Variants in URI1 observed in about 807,000 individuals in gnomAD.
URI1 encodes the protein URI1 prefoldin like chaperone.
Under a neutral mutation model 60.2 loss-of-function variants are expected in URI1, and 39 were observed. That is an observed-to-expected ratio of 0.65 (90% CI 0.50 to 0.85). The LOEUF (loss-of-function observed/expected upper bound fraction) is 0.85. Among genes scored for constraint, URI1 ranks in the 40% least tolerant of loss-of-function variants. The probability of loss-of-function intolerance (pLI) is 0.00; values close to 1 mark genes in which losing one functional copy is unlikely to be tolerated. For missense variants in URI1, 691 were observed against 665.9 expected (o/e 1.04, Z -0.42); for synonymous variants, 251 against 236.8 (o/e 1.06, Z -0.55).
At chr19:29,980,150 T>G (rs2055574813) in intron 2 of URI1, 1 of 152,186 alleles carries the variant, frequency 6.6e-6, no homozygotes, top group South Asian at 2.1e-4. Flanking sequence ...TCTATTTTCT[T>G]GATTTTAGAG....
chr19:29,954,331 C>G (rs917176856), intron 1 of URI1, among the ~76,000 whole-genome samples: 1 of 152,008 alleles, frequency 6.6e-6, no homozygotes, highest in African/African-American at 2.4e-5. Flanking sequence ...GCAGTTATAC[C>G]TTGGATTTTT....
chr19:29,959,250 C>T (rs114291155), intron 1 of URI1, among the ~76,000 whole-genome samples: 10 of 152,072 alleles, frequency 6.6e-5, no homozygotes, highest in Non-Finnish European at 1.3e-4. Context: ...TCAGTCTCCC[C>T]GAGTAGCTGG....
intron 1 of URI1, among the ~76,000 whole-genome samples, chr19:29,957,813 A>G: frequency 6.6e-6 from 1 of 152,266 alleles, no homozygotes; most frequent in East Asian, 1.9e-4. Flanking sequence ...TTAGCTTTTA[A>G]AAGTATATAA....
intron 1 of URI1, among the ~76,000 whole-genome samples, chr19:29,937,126 T>C (rs1336235839): frequency 6.6e-6 from 1 of 152,254 alleles, no homozygotes; most frequent in African/African-American, 2.4e-5. Flanking sequence ...TCACTGGTTC[T>C]TTCTTCTTCC....
chr19:29,944,931 C>A (rs970580157), intron 1 of URI1, among the ~76,000 whole-genome samples: 2 of 152,156 alleles, frequency 1.3e-5, no homozygotes, highest in Non-Finnish European at 2.9e-5. Flanking sequence ...TTTATTTAGG[C>A]TTTAAAGCTG....
intron 1 of URI1, among the ~76,000 whole-genome samples, chr19:29,957,467 C>CT (rs2055263918): frequency 6.6e-6 from 1 of 151,974 alleles, no homozygotes; most frequent in Non-Finnish European, 1.5e-5. Context: ...GTGTGTAGCT[C>CT]TGTTTCTCTA....
At chr19:29,991,457 T>A (rs1259804152) in intron 4 of URI1, among the ~76,000 whole-genome samples, 2 of 152,254 alleles carry the variant, frequency 1.3e-5, no homozygotes, top group East Asian at 3.8e-4. Flanking sequence ...CATTGTATCC[T>A]CCATTCATGC....
At chr19:29,947,592 T>G (rs2055118358) in intron 1 of URI1, among the ~76,000 whole-genome samples, 1 of 152,252 alleles carries the variant, frequency 6.6e-6, no homozygotes, top group Non-Finnish European at 1.5e-5. Flanking sequence ...CAGATGTTTA[T>G]TGGCTACTTG....
At chr19:29,971,941 T>C (rs1447655173) in intron 2 of URI1, among the ~76,000 whole-genome samples, 3 of 152,080 alleles carry the variant, frequency 2.0e-5, no homozygotes, top group Admixed American at 2.0e-4. Flanking sequence ...TTGATTATTG[T>C]CTGCAGGGTT....
At chr19:30,001,702 T>G (rs1366979994) in intron 4 of URI1, among the ~76,000 whole-genome samples, 4 of 152,014 alleles carry the variant, frequency 2.6e-5, no homozygotes, top group African/African-American at 9.7e-5. Flanking sequence ...TGTAGTAGCT[T>G]TTCCCAGCCA....
chr19:29,929,484 C>G (rs2054897929), intron 1 of URI1, among the ~76,000 whole-genome samples: 1 of 152,004 alleles, frequency 6.6e-6, no homozygotes, highest in Non-Finnish European at 1.5e-5. Context: ...GTAATCCCAG[C>G]TACTTGGGAG....
chr19:29,952,985 G>C (rs542040919), intron 1 of URI1, among the ~76,000 whole-genome samples: 50 of 152,118 alleles, frequency 3.3e-4, no homozygotes, highest in Non-Finnish European at 6.0e-4. Flanking sequence ...TTATACCTAT[G>C]TTTCCTTCTA....
At chr19:29,956,628 T>C (rs2055251383) in intron 1 of URI1, 12 of 1,504,344 alleles carry the variant, frequency 8.0e-6, no homozygotes, top group Middle Eastern at 4.6e-4. Flanking sequence ...TGCGGATGTA[T>C]TTTTCACCCA....
intron 1 of URI1, among the ~76,000 whole-genome samples, chr19:29,955,373 A>G (rs1056952875): frequency 3.3e-5 from 5 of 152,244 alleles, no homozygotes; most frequent in Admixed American, 3.3e-4. Context: ...GATAGTATAG[A>G]TAATGCCTCA....
intron 1 of URI1, among the ~76,000 whole-genome samples, chr19:29,946,972 T>TAAAA (rs1336804352): frequency 6.6e-6 from 1 of 152,094 alleles, no homozygotes; most frequent in East Asian, 1.9e-4. Flanking sequence ...AACAGGAAGG[T>TAAAA]AAGAGGCGTG....
chr19:30,006,217 GGC>G (rs2055940890), intron 6 of URI1, among the ~76,000 whole-genome samples: 1 of 152,072 alleles, frequency 6.6e-6, no homozygotes, highest in South Asian at 2.1e-4. Flanking sequence ...TGCCAAGGCT[GGC>G]TTATGTGTTT....
At chr19:29,949,825 A>G (rs577441338) in intron 1 of URI1, among the ~76,000 whole-genome samples, 85 of 151,924 alleles carry the variant, frequency 5.6e-4, no homozygotes, top group African/African-American at 1.9e-3. Flanking sequence ...CAGGAGAATC[A>G]GGCAGGGAGG....
chr19:29,947,888 G>A (rs1275382761), intron 1 of URI1, among the ~76,000 whole-genome samples: 2 of 152,052 alleles, frequency 1.3e-5, no homozygotes, highest in African/African-American at 4.8e-5. Flanking sequence ...CTCTTATATT[G>A]TCTAATAGAA....
intron 1 of URI1, among the ~76,000 whole-genome samples, chr19:29,955,880 C>T (rs565393038): frequency 2.6e-5 from 4 of 152,206 alleles, no homozygotes; most frequent in Admixed American, 6.5e-5. Flanking sequence ...CGTGAGCCAC[C>T]GTGCCTGGCC....
Sources: allele counts gnomAD v4.1 joint callset (sites outside exome capture counted in the v4.1 genomes callset), GRCh38; gene constraint gnomAD v4.1.1; transcripts MANE v1.5; gene names NCBI Gene and HGNC (gene_info 2026-07-23, HGNC 2026-07-21).